The following MEGF11 variants were observed in gnomAD, a reference collection of about 807,000 sequenced individuals.
The protein encoded by MEGF11 is multiple EGF like domains 11, also known as multiple epidermal growth factor-like domains protein 11.
In MEGF11, 126 loss-of-function variants were observed where a neutral mutation model predicts 146.6. That is an observed-to-expected ratio of 0.86 (90% CI 0.74 to 1.00). The LOEUF (loss-of-function observed/expected upper bound fraction) is 1.00, where lower values mean the gene tolerates loss of function less well. Among genes scored for constraint, MEGF11 ranks in the 50% least tolerant of loss-of-function variants. The pLI, the probability that MEGF11 is intolerant of heterozygous loss-of-function variation, is 0.00. For synonymous variants in MEGF11, 532 were observed against 583.4 expected, an observed-to-expected ratio of 0.91 and a Z score of 1.27; for missense variants, 1,509 against 1,521.2, an observed-to-expected ratio of 0.99 and a Z score of 0.13.
intron 13 of MEGF11, 82 bp from the exon 14 acceptor site, chr15:65,923,051 T>C: frequency 4.8e-6 from 7 of 1,454,864 alleles, no homozygotes; most frequent in Non-Finnish European, 1.8e-6. Flanking sequence ...GACAGTGCAG[T>C]ATGAAGAGGT....
intron 5 of MEGF11, among the ~76,000 whole-genome samples, chr15:66,054,067 T>C (rs2084574916): frequency 6.6e-6 from 1 of 152,132 alleles, no homozygotes; most frequent in South Asian, 2.1e-4. Context: ...GCCTTTCTTT[T>C]GCCAGTTCTC....
chr15:65,919,653 CAG>C (rs368233022), intron 15 of MEGF11, among the ~76,000 whole-genome samples: 85 of 152,290 alleles, frequency 5.6e-4, no homozygotes, highest in African/African-American at 1.9e-3. Flanking sequence ...TGTTTCGAGA[CAG>C]AGTCTCGCTA....
chr15:66,131,735 C>G (rs747574041), intron 1 of MEGF11, among the ~76,000 whole-genome samples: 4 of 152,178 alleles, frequency 2.6e-5, no homozygotes, highest in Non-Finnish European at 4.4e-5. Context: ...TCGCTATGTC[C>G]TCATCCTAAA....
chr15:66,087,983 A>G (rs138144611), intron 5 of MEGF11, among the ~76,000 whole-genome samples: 103 of 152,368 alleles, frequency 6.8e-4, no homozygotes, highest in African/African-American at 2.4e-3. Flanking sequence ...AAGAAACGCA[A>G]CAGGAGATAT....
chr15:66,046,564 G>A lies in MEGF11; in HGVS notation c.394+47838C>T, dbSNP rs559661669. On this transcript the variant is annotated intron_variant, in intron 5 of 25. Transcript: ENST00000395614. The stretch of plus-strand genomic sequence containing the variant: ...TTCTCTGCAGCTGCTGCAGGCTGAG[G>A]GCCTCAGCTCTTGGCTAAGACTTCT... Among the ~76,000 whole-genome samples the A allele has an allele frequency of 5.3e-5, 8 of 152,322 alleles. No homozygotes were observed. The East Asian group carries it at 1.5e-3, about 29-fold the overall frequency.
chr15:66,004,819 T>C (rs1382538596), intron 5 of MEGF11, among the ~76,000 whole-genome samples: 1 of 152,152 alleles, frequency 6.6e-6, no homozygotes, highest in African/African-American at 2.4e-5. Context: ...AGGGCTAGCG[T>C]ATTTCTGCAG....
chr15:66,099,404 C>G (rs531742343), intron 4 of MEGF11, among the ~76,000 whole-genome samples: 2 of 151,974 alleles, frequency 1.3e-5, no homozygotes, highest in African/African-American at 2.4e-5. Flanking sequence ...AGGCTGGTCT[C>G]GAACTCCTGA....
intron 5 of MEGF11, among the ~76,000 whole-genome samples, chr15:66,049,062 G>T (rs1423052979): frequency 6.6e-6 from 1 of 152,132 alleles, no homozygotes; most frequent in East Asian, 1.9e-4. Context: ...GCATTCTGGG[G>T]GAGGCAGCCA....
intron 4 of MEGF11, among the ~76,000 whole-genome samples, chr15:66,109,343 C>A (rs1597092229): frequency 6.6e-6 from 1 of 152,204 alleles, no homozygotes. Flanking sequence ...ATTGTCCGGG[C>A]AGTGTCCTGA....
At chr15:66,022,492 T>C (rs954683693) in intron 5 of MEGF11, among the ~76,000 whole-genome samples, 17 of 152,214 alleles carry the variant, frequency 1.1e-4, no homozygotes, top group African/African-American at 4.1e-4. Flanking sequence ...AAGGAGTTCA[T>C]GGTCATACTG....
chr15:66,025,475 A>G (rs1185416320), intron 5 of MEGF11, among the ~76,000 whole-genome samples: 1 of 152,148 alleles, frequency 6.6e-6, no homozygotes, highest in African/African-American at 2.4e-5. Context: ...TACCTCTTCT[A>G]GATCTTTACC....
At chr15:66,021,620 G>A (rs1452275294) in intron 5 of MEGF11, among the ~76,000 whole-genome samples, 1 of 152,226 alleles carries the variant, frequency 6.6e-6, no homozygotes, top group Non-Finnish European at 1.5e-5. Flanking sequence ...CGGAAATTCA[G>A]CAGCCAGTGC....
chr15:66,074,137 A>G (rs2085479246), intron 5 of MEGF11, among the ~76,000 whole-genome samples: 1 of 152,174 alleles, frequency 6.6e-6, no homozygotes, highest in South Asian at 2.1e-4. Context: ...CCCAGGGGTA[A>G]CCTGAGCCTG....
At chr15:66,004,817 CG>C (rs529718538) in intron 5 of MEGF11, among the ~76,000 whole-genome samples, 39 of 152,314 alleles carry the variant, frequency 2.6e-4, no homozygotes, top group African/African-American at 8.4e-4. Flanking sequence ...CCAGGGCTAG[CG>C]TATTTCTGCA....
chr15:66,041,091 CA>C (rs2083956241), intron 5 of MEGF11, among the ~76,000 whole-genome samples: 1 of 152,130 alleles, frequency 6.6e-6, no homozygotes, highest in Non-Finnish European at 1.5e-5. Context: ...TGAATGACTG[CA>C]TGGCAAAAAG....
chr15:66,218,233 A>T (rs893860986), intron 1 of MEGF11, among the ~76,000 whole-genome samples: 8 of 152,346 alleles, frequency 5.3e-5, no homozygotes, highest in Non-Finnish European at 8.8e-5. Flanking sequence ...CATTAAAGAA[A>T]GGAACAAAAT....
At chr15:65,942,132 GAA>G (rs910328568) in intron 10 of MEGF11, among the ~76,000 whole-genome samples, 2 of 152,182 alleles carry the variant, frequency 1.3e-5, no homozygotes, top group African/African-American at 2.4e-5. Flanking sequence ...ATGGGAAAGG[GAA>G]GGGGCAACTG....
intron 1 of MEGF11, among the ~76,000 whole-genome samples, chr15:66,177,616 C>T (rs2090420670): frequency 6.6e-6 from 1 of 151,742 alleles, no homozygotes; most frequent in Non-Finnish European, 1.5e-5. Flanking sequence ...GTATCGTGAG[C>T]TCCAAAAAGC....
At position 65,920,425 on chromosome 15, in the gene MEGF11, G is replaced by T. The variant is rs142953839; in HGVS notation, c.1957+1913C>A. Among the ~76,000 whole-genome samples, 495 of 152,318 alleles carry T rather than the reference G, an allele frequency of 3.2e-3. 8 individuals carry two copies. In the East Asian group the frequency reaches 0.035, roughly 11 times the overall value. On this transcript the variant is annotated intron_variant, in intron 15 of 25. Transcript: ENST00000395614. ...CTTGATTTGGGGAACCCATCCCCAA[G>T]TCCTGGCCCTCTGTGGGGAGTAGGG...
Sources: allele counts gnomAD v4.1 joint callset (sites outside exome capture counted in the v4.1 genomes callset), GRCh38; gene constraint gnomAD v4.1.1; transcripts MANE v1.5; gene names NCBI Gene and HGNC (gene_info 2026-07-23, HGNC 2026-07-21).